PRKCE: variants seen among roughly 807,000 people sequenced by gnomAD.
PRKCE encodes the protein protein kinase C epsilon, also known as protein kinase C epsilon type.
In PRKCE, 16 loss-of-function variants were observed where a neutral mutation model predicts 85.4. The observed-to-expected ratio is 0.19, with a 90% CI of 0.13 to 0.28. The LOEUF is 0.28. PRKCE is among the 10% of genes least tolerant of loss of function. The pLI, the probability that PRKCE is intolerant of heterozygous loss-of-function variation, is 1.00. For synonymous variants in PRKCE, 388 were observed against 371.5 expected, an observed-to-expected ratio of 1.04 and a Z score of -0.51; for missense variants, 573 against 975.2, an observed-to-expected ratio of 0.59 and a Z score of 5.49.
chr2:45,862,422 C>G (rs1011752194), intron 2 of PRKCE, among the ~76,000 whole-genome samples: 4 of 152,172 alleles, frequency 2.6e-5, no homozygotes, highest in Non-Finnish European at 5.9e-5. Flanking sequence ...GTCATACCAC[C>G]TAGTGGTGCA....
intron 10 of PRKCE, among the ~76,000 whole-genome samples, chr2:46,052,018 A>G (rs35748835): frequency 0.29 from 44,219 of 151,998 alleles, 6,951 homozygotes; most frequent in Middle Eastern, 0.37. Context: ...TCCTCCATCA[A>G]CACCTGGGGA....
chr2:46,140,209 G>T (rs1263267166), intron 11 of PRKCE, among the ~76,000 whole-genome samples: 1 of 151,970 alleles, frequency 6.6e-6, no homozygotes, highest in African/African-American at 2.4e-5. Context: ...TGATTCTAAA[G>T]TTCATATGGA....
intron 1 of PRKCE, among the ~76,000 whole-genome samples, chr2:45,825,906 C>T (rs1395673019): frequency 1.3e-5 from 2 of 151,784 alleles, no homozygotes; most frequent in African/African-American, 4.8e-5. Context: ...AAACATACCC[C>T]ACAGTGTATA....
At chr2:45,857,021 C>T (rs554146088) in intron 2 of PRKCE, among the ~76,000 whole-genome samples, 1 of 152,268 alleles carries the variant, frequency 6.6e-6, no homozygotes, top group Non-Finnish European at 1.5e-5. Flanking sequence ...TGTGAGTGTG[C>T]AGATGTCTCT....
At chr2:45,707,132 T>C (rs1362270675) in intron 1 of PRKCE, among the ~76,000 whole-genome samples, 1 of 152,224 alleles carries the variant, frequency 6.6e-6, no homozygotes, top group Non-Finnish European at 1.5e-5. Context: ...TGGTGTTTGA[T>C]GATTGCAGTG....
At position 45,652,553 on chromosome 2, in the gene PRKCE, G is replaced by C; in HGVS notation, c.348+105G>C. ...GCTCCGGGACTTATTGACGACTGGG[G>C]TGTGTGTGCCTGTAAGTCTCAGTTT... is the stretch of plus-strand genomic sequence containing the variant. On this transcript the variant is annotated intron_variant, in intron 1 of 14. Transcript: ENST00000306156. The surrounding 1 kb of genome is among the most constrained non-coding windows in gnomAD (Gnocchi z 7.7). The C allele has an allele frequency of 8.2e-6, 9 of 1,104,236 alleles. No individual in the cohort carries two copies. Among genetic ancestry groups the C allele is most frequent in the Non-Finnish European group, 1.1e-5 (9 of 792,400 alleles). 68.4% of individuals were successfully genotyped at this position (1,104,236 alleles called of 1,614,324 possible). A position where few individuals can be genotyped will look rare whatever the true frequency, so the allele number is the denominator to read the frequency against.
At chr2:45,724,312 A>G (rs28679498) in intron 1 of PRKCE, among the ~76,000 whole-genome samples, 22,361 of 152,200 alleles carry the variant, frequency 0.15, 1,758 homozygotes, top group Non-Finnish European at 0.17. Flanking sequence ...CCCATATAAG[A>G]TGGTGAACTT....
intron 6 of PRKCE, among the ~76,000 whole-genome samples, chr2:45,985,375 G>A (rs1703232347): frequency 6.6e-6 from 1 of 152,154 alleles, no homozygotes; most frequent in Admixed American, 6.5e-5. Context: ...AGGTGGAAAT[G>A]TATTCTGGTG....
intron 10 of PRKCE, among the ~76,000 whole-genome samples, chr2:46,053,880 C>T (rs1666304284): frequency 6.6e-6 from 1 of 152,174 alleles, no homozygotes; most frequent in African/African-American, 2.4e-5. Flanking sequence ...GCTATATTCC[C>T]AGAAGCAGAA....
rs370312689 is a variant in PRKCE at position 45,976,445 on chromosome 2, A to C, written c.429A>C (p.Glu143Asp). 28 of 1,599,630 alleles carry C rather than the reference A, an allele frequency of 1.8e-5. No homozygotes were observed. Among genetic ancestry groups the C allele is most frequent in the Non-Finnish European group, 2.3e-5 (27 of 1,179,950 alleles). ...CTTCCCCAGCCCCTAAAGACAATGA[A>C]GAGCGTGTGTTCAGGGAACGCATGC... ...GSSGEAPKDN[E>D]ERVFRERMRP... Residue 143 changes from glutamate (E) to aspartate (D), a missense_variant, in exon 3 of 15, where the codon GAA becomes GAC. By Grantham distance (45) the Glu-to-Asp change is conservative. Around this residue, in one of 11 missense-constraint regions of PRKCE, gnomAD observed 33 missense variants for 33.7 expected, o/e 0.98. Coordinates refer to ENST00000306156, the MANE Select transcript of PRKCE (RefSeq NM_005400.3).
Position 46,155,411 on chromosome 2 carries a change from T to C in PRKCE, c.1920+4182T>C, listed in dbSNP as rs1677099885. On this transcript the variant is annotated intron_variant, in intron 13 of 14. Coordinates refer to ENST00000306156, the MANE Select transcript of PRKCE (RefSeq NM_005400.3). This position sits in a 1 kb window ranked among gnomAD's most constrained non-coding sequence, Gnocchi z 4.7. Reference sequence around the variant, plus strand: ...GAATGGATTCTGGTCACCGCCTCTCTTGTTCCTCAGGCCTGGGCCCCGGGT... The same window carrying C: ...GAATGGATTCTGGTCACCGCCTCTCCTGTTCCTCAGGCCTGGGCCCCGGGT... Among the ~76,000 whole-genome samples, 1 of 151,926 alleles carries C rather than the reference T, an allele frequency of 6.6e-6. No homozygotes were observed. Among genetic ancestry groups the C allele is most frequent in the African/African-American group, 2.4e-5 (1 of 41,372 alleles).
At chr2:46,124,685 ACT>A (rs1224133945) in intron 11 of PRKCE, among the ~76,000 whole-genome samples, 2 of 152,066 alleles carry the variant, frequency 1.3e-5, no homozygotes, top group African/African-American at 4.8e-5. Context: ...CCAACACTTC[ACT>A]CATCGATCTA....
At chr2:45,810,926 T>A (rs2105263403) in intron 1 of PRKCE, among the ~76,000 whole-genome samples, 1 of 152,318 alleles carries the variant, frequency 6.6e-6, no homozygotes, top group South Asian at 2.1e-4. Flanking sequence ...CGATACCCAA[T>A]CATCATTTTT....
At chr2:45,911,568 C>A (rs998062911) in intron 2 of PRKCE, among the ~76,000 whole-genome samples, 1 of 152,116 alleles carries the variant, frequency 6.6e-6, no homozygotes, top group Non-Finnish European at 1.5e-5. Context: ...TTTGTTAGTC[C>A]TGGATGTAGG....
At chr2:45,783,803 A>G (rs1225394970) in intron 1 of PRKCE, among the ~76,000 whole-genome samples, 1 of 152,158 alleles carries the variant, frequency 6.6e-6, no homozygotes, top group Non-Finnish European at 1.5e-5. Context: ...GGAAGTGTGC[A>G]AGCTCTAGAG....
intron 1 of PRKCE, among the ~76,000 whole-genome samples, chr2:45,737,991 G>A (rs1389562372): frequency 2.0e-5 from 3 of 151,750 alleles, no homozygotes; most frequent in South Asian, 2.1e-4. Flanking sequence ...TTCCCCATGT[G>A]CTCAACACCT....
At chr2:46,150,107 C>T (rs531209683) in intron 12 of PRKCE, among the ~76,000 whole-genome samples, 1 of 152,230 alleles carries the variant, frequency 6.6e-6, no homozygotes, top group South Asian at 2.1e-4. Context: ...ACCTCAGCCT[C>T]CCAAAGTGCT....
At chr2:45,853,713 A>C (rs146683604) in intron 2 of PRKCE, among the ~76,000 whole-genome samples, 1 of 152,222 alleles carries the variant, frequency 6.6e-6, no homozygotes, top group African/African-American at 2.4e-5. Flanking sequence ...AAAGGAAACT[A>C]CTGAGATAAA....
At chr2:45,863,907 G>T (rs1043616005) in intron 2 of PRKCE, among the ~76,000 whole-genome samples, 1 of 152,188 alleles carries the variant, frequency 6.6e-6, no homozygotes, top group Admixed American at 6.5e-5. Flanking sequence ...ATTGCATCCT[G>T]CTGGGCAGCA....
Sources: allele counts gnomAD v4.1 joint callset (sites outside exome capture counted in the v4.1 genomes callset), GRCh38; gene constraint gnomAD v4.1.1; regional missense constraint gnomAD v4.1.1; non-coding constraint Gnocchi (gnomAD v3.1); transcripts MANE v1.5; gene names NCBI Gene and HGNC (gene_info 2026-07-23, HGNC 2026-07-21).